The following MPDZ variants were observed in gnomAD, a reference collection of about 807,000 sequenced individuals.
MPDZ encodes multiple PDZ domain crumbs cell polarity complex component, also known as multiple PDZ domain protein.
A neutral mutation model predicts 239.1 loss-of-function variants in MPDZ; 234 were observed. The ratio of observed to expected loss-of-function variants is 0.98; its 90% CI spans 0.88 to 1.09. MPDZ has a LOEUF of 1.09. MPDZ is among the 50% of genes least tolerant of loss of function. MPDZ has a pLI of 0.00. For missense variants in MPDZ, 3,175 were observed against 2,510.0 expected (o/e 1.26, Z -5.66); for synonymous variants, 1,048 against 881.3 (o/e 1.19, Z -3.35).
rs1473648697 is a variant in MPDZ at position 13,183,410 on chromosome 9, C to T, written c.2649+8G>A. The T allele has an allele frequency of 5.0e-6, 8 of 1,589,486 alleles. No homozygotes were observed. Among genetic ancestry groups the T allele is most frequent in the Middle Eastern group, 3.4e-4 (2 of 5,964 alleles). ...CCTATAAAAGAAAAATTGGCTTTTCCTTTGTACCTTAGGAGGAGATGATGG... is the reference window on the plus strand; with the variant it reads ...CCTATAAAAGAAAAATTGGCTTTTCTTTTGTACCTTAGGAGGAGATGATGG... On this transcript the variant is annotated splice_region_variant and intron_variant, in intron 19 of 46. Transcript: ENST00000319217.
intron 1 of MPDZ, among the ~76,000 whole-genome samples, chr9:13,265,005 G>A (rs1001469739): frequency 6.6e-6 from 1 of 152,188 alleles, no homozygotes; most frequent in Non-Finnish European, 1.5e-5. Flanking sequence ...AACCAGGCAG[G>A]GGGATTCTTC....
intron 35 of MPDZ, among the ~76,000 whole-genome samples, chr9:13,124,900 G>A (rs912663053): frequency 6.6e-6 from 1 of 152,128 alleles, no homozygotes; most frequent in Non-Finnish European, 1.5e-5. Context: ...GAATCAAGGT[G>A]CCCTTAGCAA....
At chr9:13,154,675 G>A (rs192124761) in intron 24 of MPDZ, among the ~76,000 whole-genome samples, 1 of 152,172 alleles carries the variant, frequency 6.6e-6, no homozygotes, top group African/African-American at 2.4e-5. Flanking sequence ...TGGTTGTGGT[G>A]GTGATGAAGG....
At chr9:13,109,853 G>A in intron 45 of MPDZ, 99 bp downstream of exon 45, 1 of 884,928 alleles carries the variant, frequency 1.1e-6, no homozygotes, top group Non-Finnish European at 1.8e-6. Context: ...CATTTTACCT[G>A]TACGTAATTC....
At chr9:13,176,069 C>T in intron 20 of MPDZ, 67 bp downstream of exon 20, 1 of 1,466,552 alleles carries the variant, frequency 6.8e-7, no homozygotes, top group Non-Finnish European at 9.1e-7. Context: ...AGAGATTAGC[C>T]AGAATAACCT....
intron 21 of MPDZ, among the ~76,000 whole-genome samples, chr9:13,172,248 A>G (rs1262104164): frequency 6.6e-6 from 1 of 152,288 alleles, no homozygotes; most frequent in Non-Finnish European, 1.5e-5. Context: ...AGCCCTATAA[A>G]CATATTGGGC....
intron 3 of MPDZ, among the ~76,000 whole-genome samples, chr9:13,236,267 ATTTTTTTTTTTT>A (rs1158772302): frequency 2.5e-4 from 5 of 20,102 alleles, no homozygotes; most frequent in South Asian, 2.4e-3. Flanking sequence ...ATATATATAT[ATTTTTTTTTTTT>A]TTTTTTTTTT....
intron 13 of MPDZ, among the ~76,000 whole-genome samples, chr9:13,194,626 C>A (rs1250560594): frequency 6.6e-6 from 1 of 151,930 alleles, no homozygotes; most frequent in Non-Finnish European, 1.5e-5. Flanking sequence ...GATGGGTTGA[C>A]AGGTGCAGCA....
chr9:13,197,662 T>C (rs1955821477), intron 12 of MPDZ, among the ~76,000 whole-genome samples: 1 of 152,088 alleles, frequency 6.6e-6, no homozygotes, highest in Non-Finnish European at 1.5e-5. Context: ...TAAGTTATTA[T>C]TGTCACCCTA....
chr9:13,183,302 C>T (rs1953617696), intron 19 of MPDZ, 116 bp downstream of exon 19: 3 of 789,308 alleles, frequency 3.8e-6, no homozygotes. Context: ...GAATCCACAA[C>T]TGGAGAAACA....
At chr9:13,240,622 G>A (rs529556098) in intron 3 of MPDZ, among the ~76,000 whole-genome samples, 3 of 146,930 alleles carry the variant, frequency 2.0e-5, no homozygotes, top group African/African-American at 7.5e-5. Context: ...TGGCTTCAGG[G>A]TTAGACAGAC....
intron 1 of MPDZ, chr9:13,278,963 C>G (rs1218959904): frequency 6.6e-6 from 1 of 152,196 alleles, no homozygotes; most frequent in East Asian, 2.0e-4. Context: ...GGCTAACACC[C>G]CACCCCCAGC....
chr9:13,213,814 A>G (rs1957949059), intron 10 of MPDZ, among the ~76,000 whole-genome samples: 1 of 152,056 alleles, frequency 6.6e-6, no homozygotes, highest in Non-Finnish European at 1.5e-5. Context: ...GAATGAAGAT[A>G]ATGACAAATT....
rs76578056 is a variant in MPDZ at position 13,152,771 on chromosome 9, G to C, written c.3453-2083C>G. On this transcript the variant is annotated intron_variant, in intron 24 of 46. Coordinates refer to ENST00000319217, the MANE Select transcript of MPDZ (RefSeq NM_001378778.1). Reference sequence around the variant, plus strand: ...GGCCTCGGTGCTTGCTAATTCCTCTGTCTTGAACACATTTCCTATACCCAC... The same window carrying C: ...GGCCTCGGTGCTTGCTAATTCCTCTCTCTTGAACACATTTCCTATACCCAC... 6.2e-3 allele frequency among the ~76,000 whole-genome samples: 938 copies of C among 151,996 alleles called. 25 individuals are homozygous for C. Among genetic ancestry groups the C allele is most frequent in the Admixed American group, 0.041 (630 of 15,244 alleles).
chr9:13,182,348 G>T (rs932567050), intron 19 of MPDZ, among the ~76,000 whole-genome samples: 25 of 151,920 alleles, frequency 1.6e-4, no homozygotes, highest in African/African-American at 6.0e-4. Context: ...TAAACATTCT[G>T]CCATATTTTC....
At chr9:13,123,118 C>A (rs758332970) in intron 36 of MPDZ, 35 bp downstream of exon 36, 6 of 1,555,924 alleles carry the variant, frequency 3.9e-6, no homozygotes, top group Non-Finnish European at 5.2e-6. Context: ...GGCTGAAGGA[C>A]GGCCTGTACA....
chr9:13,259,578 G>C (rs756628674), intron 1 of MPDZ, among the ~76,000 whole-genome samples: 4 of 152,118 alleles, frequency 2.6e-5, no homozygotes, highest in African/African-American at 7.2e-5. Flanking sequence ...GCTTAACTGA[G>C]AAGTCAGGGA....
chr9:13,228,186 G>A (rs940871194), intron 3 of MPDZ, among the ~76,000 whole-genome samples: 1 of 152,064 alleles, frequency 6.6e-6, no homozygotes, highest in African/African-American at 2.4e-5. Context: ...GTTAGTAAAT[G>A]AGCAAGAGTC....
chr9:13,271,739 G>C (rs1564176025), intron 1 of MPDZ, among the ~76,000 whole-genome samples: 1 of 152,072 alleles, frequency 6.6e-6, no homozygotes, highest in Non-Finnish European at 1.5e-5. Context: ...TAAGACAACG[G>C]AAGTGCAGGA....
Sources: allele counts gnomAD v4.1 joint callset (sites outside exome capture counted in the v4.1 genomes callset), GRCh38; gene constraint gnomAD v4.1.1; transcripts MANE v1.5; gene names NCBI Gene and HGNC (gene_info 2026-07-23, HGNC 2026-07-21).